ANK1: variants seen among roughly 807,000 people sequenced by gnomAD.
ANK1 encodes the protein ankyrin-1.
A neutral mutation model predicts 210.4 loss-of-function variants in ANK1; 51 were observed. The observed-to-expected ratio is 0.24, with a 90% CI of 0.19 to 0.31. ANK1 has a LOEUF of 0.31. ANK1 is among the 10% of genes least tolerant of loss of function. ANK1 has a pLI of 1.00. For synonymous variants in ANK1, 967 were observed against 1,025.9 expected (o/e 0.94, Z 1.10); for missense variants, 2,051 against 2,504.4 (o/e 0.82, Z 3.86).
intron 37 of ANK1, among the ~76,000 whole-genome samples, chr8:41,677,869 C>T (rs576647524): frequency 9.2e-5 from 14 of 152,280 alleles, no homozygotes; most frequent in Non-Finnish European, 1.5e-4. Context: ...GGATTACAAG[C>T]GTGAACCACT....
chr8:41,760,276 G>GA (rs1277068172), intron 1 of ANK1, among the ~76,000 whole-genome samples: 1 of 152,186 alleles, frequency 6.6e-6, no homozygotes, highest in Non-Finnish European at 1.5e-5. Context: ...GGAGGTACTT[G>GA]AATCATGGGG....
intron 1 of ANK1, among the ~76,000 whole-genome samples, chr8:41,822,874 G>A (rs1804717798): frequency 6.6e-6 from 1 of 152,200 alleles, no homozygotes; most frequent in South Asian, 2.1e-4. Flanking sequence ...GGGGGCGGTG[G>A]AGGGCGATTT....
Position 41,692,792 on chromosome 8 carries a change from G to A in ANK1, c.3714C>T (p.Tyr1238=). Residue 1238 remains tyrosine (Y), a synonymous_variant, in exon 31 of 43, where the codon TAC becomes TAT. Transcript: ENST00000289734. ...TGGCAAAGATGACGAATTTGGCCATGTAGGGCACTGCAGTGAGCTCTTTGT... is the reference window on the plus strand; with the variant it reads ...TGGCAAAGATGACGAATTTGGCCATATAGGGCACTGCAGTGAGCTCTTTGT... ...LLYKELTAVP[Y]MAKFVIFAKM... is the part of the protein sequence containing the mutation. 2 of 1,614,170 alleles carry A rather than the reference G, an allele frequency of 1.2e-6. No homozygotes were observed. The highest frequency in any genetic ancestry group is 1.7e-6 in the Non-Finnish European group (2 of 1,180,022).
At chr8:41,706,763 C>G (rs1487240766) in intron 17 of ANK1, among the ~76,000 whole-genome samples, 1 of 152,100 alleles carries the variant, frequency 6.6e-6, no homozygotes, top group East Asian at 1.9e-4. Flanking sequence ...AGGTGAGGAG[C>G]GCTGGAGAAA....
intron 26 of ANK1, among the ~76,000 whole-genome samples, 169 bp from the exon 27 acceptor site, chr8:41,695,500 C>T (rs958559437): frequency 4.6e-5 from 7 of 152,228 alleles, no homozygotes; most frequent in Non-Finnish European, 1.0e-4. Context: ...TGGGGAGGTT[C>T]CCCAGGGCTT....
At chr8:41,829,663 G>C (rs1009836840) in intron 1 of ANK1, 12 of 152,316 alleles carry the variant, frequency 7.9e-5, no homozygotes, top group African/African-American at 2.7e-4. Context: ...TGGGCCGGGC[G>C]CAGTGGTTCA....
intron 1 of ANK1, among the ~76,000 whole-genome samples, chr8:41,865,132 G>A (rs1004251788): frequency 1.3e-5 from 2 of 152,150 alleles, no homozygotes; most frequent in Admixed American, 6.5e-5. Context: ...GCCACCCAAG[G>A]GCTCCAAGAG....
At chr8:41,828,826 AG>A (rs1310425137) in intron 1 of ANK1, 1 of 152,214 alleles carries the variant, frequency 6.6e-6, no homozygotes, top group East Asian at 1.9e-4. Flanking sequence ...CTGGGGAGAG[AG>A]TTGGGCCTGG....
intron 1 of ANK1, among the ~76,000 whole-genome samples, chr8:41,763,911 T>TTTTTTG: frequency 7.3e-6 from 1 of 136,434 alleles, no homozygotes; most frequent in South Asian, 2.5e-4. Context: ...TTTTTTTTTT[T>TTTTTTG]TTTGGGCTTC....
At chr8:41,671,678 C>G (rs868415763) in intron 38 of ANK1, among the ~76,000 whole-genome samples, 1 of 149,518 alleles carries the variant, frequency 6.7e-6, no homozygotes, top group African/African-American at 2.5e-5. Context: ...CCTAAGTGAG[C>G]CCTCCCGGCG....
In ANK1 at chr8:41,668,419, G is replaced by C; in HGVS notation, c.5242C>G (p.Gln1748Glu). The change falls in exon 39 of 43, where the codon CAG becomes GAG. Residue 1748 changes from glutamine (Q) to glutamate (E), a missense_variant. Gln to Glu is a conservative substitution (Grantham distance 29, BLOSUM62 2). Transcript: ENST00000289734. ...MTEGLEPGGS[Q>E]EYEKVLVSVS... The stretch of plus-strand genomic sequence containing the variant: ...GACACCAGGACCTTCTCGTACTCCT[G>C]AGATCCACCGGGCTCTAGCCCTTCA... 1 of 1,614,224 alleles carries C rather than the reference G, an allele frequency of 6.2e-7. No homozygotes were observed. The highest frequency in any genetic ancestry group is 8.5e-7 in the Non-Finnish European group (1 of 1,180,034).
intron 31 of ANK1, among the ~76,000 whole-genome samples, chr8:41,692,059 C>CT (rs76005004): frequency 1.6e-3 from 220 of 140,802 alleles, no homozygotes; most frequent in Middle Eastern, 0.011. Flanking sequence ...CTGGCTAGCA[C>CT]TTTTTTTTTT....
chr8:41,745,171 C>G (rs548971315), intron 2 of ANK1, among the ~76,000 whole-genome samples: 2 of 151,406 alleles, frequency 1.3e-5, no homozygotes, highest in South Asian at 2.1e-4. Flanking sequence ...GAAGAAGGGG[C>G]GGGGAGATGT....
chr8:41,694,473 A>G lies in ANK1; in HGVS notation c.3327+119T>C. 9.6e-7 allele frequency: 1 copy of G among 1,037,824 alleles called. No homozygotes were observed. Among genetic ancestry groups the G allele is most frequent in the Non-Finnish European group, 1.4e-6 (1 of 697,002 alleles). The allele number at this position is 1,037,824 out of a possible 1,614,324, so 64.3% of individuals were successfully genotyped here. A position where few individuals can be genotyped will look rare whatever the true frequency, so the allele number is the denominator to read the frequency against. On this transcript the variant is annotated intron_variant, in intron 28 of 42. Transcript: ENST00000289734. This position sits in a 1 kb window ranked among gnomAD's most constrained non-coding sequence, Gnocchi z 5.7. ...CTTTGAGCTTTAAACTCAGATCTCC[A>G]CTGTGGCATTTCAAAGCACCAGACA...
At chr8:41,655,902 T>G (rs1805525740) in intron 42 of ANK1, 149 bp from the exon 43 acceptor site, 2 of 889,200 alleles carry the variant, frequency 2.2e-6, no homozygotes, top group Non-Finnish European at 3.6e-6. Flanking sequence ...GTGCTGAGGG[T>G]GCTGCACTTG....
intron 1 of ANK1, among the ~76,000 whole-genome samples, chr8:41,813,781 C>T (rs1330750411): frequency 6.6e-6 from 1 of 152,128 alleles, no homozygotes; most frequent in East Asian, 1.9e-4. Context: ...TTTCAAGATC[C>T]CTAAAATATT....
At chr8:41,880,751 G>C (rs969309428) in intron 1 of ANK1, among the ~76,000 whole-genome samples, 3 of 152,244 alleles carry the variant, frequency 2.0e-5, no homozygotes, top group African/African-American at 7.2e-5. Context: ...CCCAGAGAAG[G>C]CTCAGGCTTC....
chr8:41,737,107 G>T (rs921785514), intron 2 of ANK1, among the ~76,000 whole-genome samples: 1 of 152,130 alleles, frequency 6.6e-6, no homozygotes, highest in African/African-American at 2.4e-5. Flanking sequence ...GAGACCAGCC[G>T]GGACAGCATG....
intron 1 of ANK1, among the ~76,000 whole-genome samples, chr8:41,881,463 C>T (rs1034905359): frequency 2.0e-5 from 3 of 152,102 alleles, no homozygotes; most frequent in African/African-American, 4.8e-5. Flanking sequence ...GGTTCTGTTT[C>T]GGGAATACAT....
Sources: allele counts gnomAD v4.1 joint callset (sites outside exome capture counted in the v4.1 genomes callset), GRCh38; gene constraint gnomAD v4.1.1; non-coding constraint Gnocchi (gnomAD v3.1); transcripts MANE v1.5; gene names NCBI Gene and HGNC (gene_info 2026-07-23, HGNC 2026-07-21).